Variants in RAD51B observed in about 807,000 individuals in gnomAD.
RAD51B encodes the protein RAD51 paralog B, also known as DNA repair protein RAD51 homolog 2.
Under a neutral mutation model 42.2 loss-of-function variants are expected in RAD51B, and 38 were observed. The ratio of observed to expected loss-of-function variants is 0.90; its 90% confidence interval spans 0.70 to 1.18. RAD51B has a LOEUF of 1.18. RAD51B is among the 50% of genes most tolerant of loss of function. RAD51B has a pLI of 0.00. For synonymous variants in RAD51B, 154 were observed against 145.2 expected (o/e 1.06, Z -0.43); for missense variants, 373 against 400.7 (o/e 0.93, Z 0.59).
intron 7 of RAD51B, among the ~76,000 whole-genome samples, chr14:68,277,692 A>AAGGCTAC (rs1285297713): frequency 1.3e-5 from 2 of 152,168 alleles, no homozygotes; most frequent in South Asian, 2.1e-4. Flanking sequence ...TAGTATTTCA[A>AAGGCTAC]AGGCTACATC....
chr14:67,892,297 TC>T (rs1450723583), intron 7 of RAD51B, among the ~76,000 whole-genome samples: 1 of 152,236 alleles, frequency 6.6e-6, no homozygotes, highest in Non-Finnish European at 1.5e-5. Context: ...AGTGTATCTT[TC>T]TTTTATGTAG....
chr14:68,603,237 C>G (rs778200282), intron 10 of RAD51B, among the ~76,000 whole-genome samples: 1 of 152,180 alleles, frequency 6.6e-6, no homozygotes, highest in African/African-American at 2.4e-5. Flanking sequence ...ATCCCTATAT[C>G]AAATTTACCT....
At chr14:68,379,912 T>G (rs1352986327) in intron 8 of RAD51B, among the ~76,000 whole-genome samples, 2 of 152,260 alleles carry the variant, frequency 1.3e-5, no homozygotes, top group Non-Finnish European at 2.9e-5. Context: ...CTTCCGCTGT[T>G]GGCGGCTGCT....
chr14:68,407,864 G>A (rs528489591), intron 8 of RAD51B, among the ~76,000 whole-genome samples: 1 of 152,320 alleles, frequency 6.6e-6, no homozygotes, highest in Admixed American at 6.5e-5. Context: ...GGGGGAAGAA[G>A]TCTGGAAGGG....
intron 10 of RAD51B, among the ~76,000 whole-genome samples, chr14:68,475,338 C>T (rs979991154): frequency 2.0e-5 from 3 of 152,102 alleles, no homozygotes; most frequent in Admixed American, 1.3e-4. Context: ...ATAGTACAGA[C>T]GTAAGGGCTG....
At chr14:68,471,313 C>G (rs140090021) in intron 10 of RAD51B, among the ~76,000 whole-genome samples, 115 of 152,266 alleles carry the variant, frequency 7.6e-4, no homozygotes, top group African/African-American at 2.7e-3. Context: ...GGGAATGATC[C>G]CTCAGTGCCT....
intron 7 of RAD51B, among the ~76,000 whole-genome samples, chr14:68,055,547 T>C (rs1250786439): frequency 6.6e-6 from 1 of 152,182 alleles, no homozygotes; most frequent in African/African-American, 2.4e-5. Context: ...GTATCTTTAA[T>C]ATATATCTTA....
intron 7 of RAD51B, among the ~76,000 whole-genome samples, chr14:67,934,597 C>A (rs2044866617): frequency 6.6e-6 from 1 of 151,728 alleles, no homozygotes; most frequent in Admixed American, 6.6e-5. Flanking sequence ...AAATCTTGAC[C>A]CCCTTCCTGT....
intron 10 of RAD51B, chr14:68,545,440 T>A (rs1359303993): frequency 2.6e-6 from 1 of 379,820 alleles, no homozygotes; most frequent in African/African-American, 2.1e-5. Flanking sequence ...CACTGGCATG[T>A]TTCAGGCACC....
chr14:67,835,834 T>G (rs1334741782), intron 4 of RAD51B, among the ~76,000 whole-genome samples: 2 of 151,886 alleles, frequency 1.3e-5, no homozygotes, highest in African/African-American at 4.8e-5. Flanking sequence ...CCAGCCTGGG[T>G]GACAGAGCAA....
intron 7 of RAD51B, among the ~76,000 whole-genome samples, chr14:68,170,278 C>A (rs1001472141): frequency 6.6e-6 from 1 of 152,192 alleles, no homozygotes; most frequent in Non-Finnish European, 1.5e-5. Flanking sequence ...GGCCTCATTT[C>A]CTATTTCTTT....
chr14:68,597,958 T>TA (rs1891071451), downstream of RAD51B, among the ~76,000 whole-genome samples: 1 of 150,896 alleles, frequency 6.6e-6, no homozygotes, highest in Non-Finnish European at 1.5e-5. Flanking sequence ...CCCAACAGAG[T>TA]AAATGAAGAT....
downstream of RAD51B, among the ~76,000 whole-genome samples, chr14:68,481,779 A>T (rs2140264167): frequency 6.6e-6 from 1 of 152,320 alleles, no homozygotes; most frequent in South Asian, 2.1e-4. Flanking sequence ...CACAACTCTT[A>T]TTCATCCTAA....
intron 7 of RAD51B, among the ~76,000 whole-genome samples, chr14:68,122,971 A>G: frequency 6.6e-6 from 1 of 152,136 alleles, no homozygotes; most frequent in South Asian, 2.1e-4. Flanking sequence ...ACACACACAC[A>G]CACACACACA....
At chr14:68,095,912 C>T (rs2077184950) in intron 7 of RAD51B, among the ~76,000 whole-genome samples, 2 of 139,436 alleles carry the variant, frequency 1.4e-5, no homozygotes, top group Non-Finnish European at 3.0e-5. Context: ...GGAGGCAGAG[C>T]TTGCATGAGC....
intron 11 of RAD51B, among the ~76,000 whole-genome samples, chr14:68,662,399 A>T (rs1467763798): frequency 1.3e-5 from 2 of 152,218 alleles, no homozygotes; most frequent in African/African-American, 4.8e-5. Context: ...GGAGATTCTA[A>T]TTCTGTTATC....
At chr14:68,250,401 T>C (rs1436050971) in intron 7 of RAD51B, among the ~76,000 whole-genome samples, 1 of 152,210 alleles carries the variant, frequency 6.6e-6, no homozygotes, top group Non-Finnish European at 1.5e-5. Flanking sequence ...TCTATATTTG[T>C]TTCTGAGTCA....
intron 7 of RAD51B, among the ~76,000 whole-genome samples, chr14:68,282,849 A>T (rs1211015271): frequency 6.6e-6 from 1 of 152,174 alleles, no homozygotes; most frequent in Non-Finnish European, 1.5e-5. Context: ...TACAAGCAGT[A>T]AGCCCAGAGT....
chr14:68,005,186 T>C (rs1435745133), intron 7 of RAD51B, among the ~76,000 whole-genome samples: 1 of 151,472 alleles, frequency 6.6e-6, no homozygotes, highest in Non-Finnish European at 1.5e-5. Context: ...CCTGGGCAGC[T>C]GGGATTACAG....
Sources: gnomAD v4.1 joint callset for allele counts (sites outside exome capture counted in the v4.1 genomes callset) on GRCh38, gnomAD v4.1.1 for gene constraint, MANE v1.5 for transcripts, NCBI Gene and HGNC (gene_info 2026-07-23, HGNC 2026-07-21) for gene names.